DOP1B: variants seen among roughly 807,000 people sequenced by gnomAD.
The protein encoded by DOP1B is protein DOP1B.
Under a neutral mutation model 233.5 loss-of-function variants are expected in DOP1B, and 174 were observed. That is an observed-to-expected ratio of 0.75 (90% CI 0.66 to 0.85). DOP1B has a LOEUF of 0.85. Ranked by LOEUF, DOP1B falls within the 40% of genes least tolerant of loss-of-function variation. The pLI, the probability that DOP1B is intolerant of heterozygous loss-of-function variation, is 0.00. For missense variants in DOP1B, 2,652 were observed against 2,846.6 expected (o/e 0.93, Z 1.56); for synonymous variants, 1,190 against 1,185.6 (o/e 1.00, Z -0.08).
Position 36,246,039 on chromosome 21 carries a change from C to A in DOP1B, c.4059C>A (p.Ile1353=). ...AGGTCAAAAGTGTCGAGGTTTTGAT[C>A]AGGATAATGATGCAGCTGGTCTCAG... ...DVQVKSVEVL[I]RIMMQLVSVA... is the part of the protein sequence containing the mutation. The change falls in exon 19 of 37, where the codon ATC becomes ATA. Residue 1353 remains isoleucine, a synonymous_variant. Transcript: ENST00000691173. The surrounding 1 kb of genome is among the most constrained non-coding windows in gnomAD (Gnocchi z 5.1). The A allele has an allele frequency of 6.2e-7, 1 of 1,613,952 alleles. No individual in the cohort carries two copies. Among genetic ancestry groups the A allele is most frequent in the South Asian group, 1.1e-5 (1 of 91,066 alleles).
chr21:36,169,893 A>T, intron 2 of DOP1B: 1 of 789,868 alleles, frequency 1.3e-6, no homozygotes, highest in Non-Finnish European at 2.3e-6. Flanking sequence ...GGAGGCCTCA[A>T]GGGGTTTCCA....
At chr21:36,287,778 G>A (rs898087402) in intron 32 of DOP1B, among the ~76,000 whole-genome samples, 3 of 151,520 alleles carry the variant, frequency 2.0e-5, no homozygotes, top group African/African-American at 7.3e-5. Context: ...GTAGAGATGG[G>A]GTTTTACCAT....
At chr21:36,192,619 A>C (rs1053007918) in intron 2 of DOP1B, among the ~76,000 whole-genome samples, 6 of 151,800 alleles carry the variant, frequency 4.0e-5, no homozygotes, top group Admixed American at 6.6e-5. Flanking sequence ...CCTAGGCTCA[A>C]GTGATCTGTC....
At chr21:36,265,821 C>A (rs2067224622) in intron 26 of DOP1B, among the ~76,000 whole-genome samples, 1 of 152,202 alleles carries the variant, frequency 6.6e-6, no homozygotes, top group African/African-American at 2.4e-5. Context: ...ATTTTCCTAC[C>A]ACACTCTCGT....
In DOP1B at chr21:36,198,148, G is replaced by A. The variant is rs532049306; in HGVS notation, c.139-922G>A. ...AGACACTGTGTTATAAGATTAAGCCGGCCAGGCGCAGTGGATCACATCTGT... is the reference window on the plus strand; with the variant it reads ...AGACACTGTGTTATAAGATTAAGCCAGCCAGGCGCAGTGGATCACATCTGT... On this transcript the variant is annotated intron_variant, in intron 2 of 36. Coordinates refer to ENST00000691173, the MANE Select transcript of DOP1B (RefSeq NM_001320714.2). Among the ~76,000 whole-genome samples, 8 of 152,104 alleles carry A rather than the reference G, an allele frequency of 5.3e-5. No homozygotes were observed. The South Asian group carries it at 8.3e-4, about 16-fold the overall frequency.
chr21:36,291,450 A>G (rs2067558402), intron 35 of DOP1B, among the ~76,000 whole-genome samples: 1 of 151,812 alleles, frequency 6.6e-6, no homozygotes, highest in Non-Finnish European at 1.5e-5. Context: ...AATCCCAGCT[A>G]CTCGGGAGGC....
chr21:36,216,913 A>G (rs2066566189), intron 9 of DOP1B, among the ~76,000 whole-genome samples: 2 of 152,100 alleles, frequency 1.3e-5, no homozygotes, highest in South Asian at 4.1e-4. Context: ...CATCTCTACT[A>G]AAAATACAAA....
chr21:36,284,004 G>A (rs2146252502), intron 32 of DOP1B, among the ~76,000 whole-genome samples: 1 of 136,700 alleles, frequency 7.3e-6, no homozygotes, highest in African/African-American at 2.8e-5. Flanking sequence ...CTGGAGTACA[G>A]TGGCACAATC....
chr21:36,234,918 T>C (rs773553798), intron 15 of DOP1B, among the ~76,000 whole-genome samples: 1 of 152,228 alleles, frequency 6.6e-6, no homozygotes, highest in Non-Finnish European at 1.5e-5. Flanking sequence ...TTATACATTG[T>C]ATGATGATCA....
At position 36,245,324 on chromosome 21, in the gene DOP1B, C is replaced by G. The variant is rs768219773; in HGVS notation, c.3344C>G (p.Thr1115Arg). 6.2e-7 allele frequency: 1 copy of G among 1,614,020 alleles called. No homozygotes were observed. The highest frequency in any genetic ancestry group is 2.2e-5 in the East Asian group (1 of 44,888). Residue 1115 changes from threonine (T) to arginine (R), a missense_variant, in exon 19 of 37, where the codon ACA (threonine) becomes AGA (arginine). Thr to Arg is a moderately conservative substitution (Grantham distance 71). Around this residue, in one of 3 missense-constraint regions of DOP1B, gnomAD observed 2,617 missense variants for 2,794.3 expected, o/e 0.94. Coordinates refer to ENST00000691173, the MANE Select transcript of DOP1B (RefSeq NM_001320714.2). This position sits in a 1 kb window ranked among gnomAD's most constrained non-coding sequence, Gnocchi z 5.5. ...DSSEHTESAD[T>R]SSCHTDSENT... ...AGCGAGCACACCGAGTCTGCAGATACAAGCTCCTGCCACACGGACAGCGAG... is the reference window on the plus strand; with the variant it reads ...AGCGAGCACACCGAGTCTGCAGATAGAAGCTCCTGCCACACGGACAGCGAG...
intron 27 of DOP1B, among the ~76,000 whole-genome samples, chr21:36,272,732 C>T (rs892139969): frequency 2.0e-5 from 3 of 151,336 alleles, no homozygotes; most frequent in Non-Finnish European, 4.4e-5. Flanking sequence ...CGCCTGTAAT[C>T]CCAGCACTTT....
intron 28 of DOP1B, among the ~76,000 whole-genome samples, chr21:36,277,588 C>T (rs2067367120): frequency 6.6e-6 from 1 of 151,702 alleles, no homozygotes; most frequent in South Asian, 2.1e-4. Flanking sequence ...GCCATAACTG[C>T]TTTTCTTATT....
At position 36,214,471 on chromosome 21, in the gene DOP1B, C is replaced by G. The variant is rs749051674; in HGVS notation, c.1044C>G (p.Phe348Leu). 2 of 1,613,486 alleles carry G rather than the reference C, an allele frequency of 1.2e-6. No homozygotes were observed. Among genetic ancestry groups the G allele is most frequent in the South Asian group, 2.2e-5 (2 of 90,942 alleles). ...EGLAEILHQK[F>L]IDADVEERHH... Reference sequence around the variant, plus strand: ...TGGCTGAGATATTGCATCAGAAGTTCATAGATGCTGACGTGGAGGAACGCC... The same window carrying G: ...TGGCTGAGATATTGCATCAGAAGTTGATAGATGCTGACGTGGAGGAACGCC... Residue 348 changes from phenylalanine (F) to leucine (L), a missense_variant, in exon 9 of 37, where the codon TTC (phenylalanine) becomes TTG (leucine). By Grantham distance (22) the Phe-to-Leu change is conservative. Coordinates refer to ENST00000691173, the MANE Select transcript of DOP1B (RefSeq NM_001320714.2).
rs1174232281 is a variant in DOP1B at position 36,246,564 on chromosome 21, C to T, written c.4584C>T (p.Pro1528=). Reference sequence around the variant, plus strand: ...TGAGCTTGGTCACGCATTCCTTGCCCTACTTCGGAAAGTCCCTGGGCTGGA... The same window carrying T: ...TGAGCTTGGTCACGCATTCCTTGCCTTACTTCGGAAAGTCCCTGGGCTGGA... The part of the protein sequence containing the change: ...AWVSLVTHSL[P]YFGKSLGWTV... The change falls in exon 19 of 37, where the codon CCC becomes CCT. Residue 1528 remains proline, a synonymous_variant. Transcript: ENST00000691173. The surrounding 1 kb of genome is among the most constrained non-coding windows in gnomAD (Gnocchi z 5.1). 1 of 1,614,180 alleles carries T rather than the reference C, an allele frequency of 6.2e-7. No homozygotes were observed.
At chr21:36,248,623 C>A in intron 21 of DOP1B, 55 bp downstream of exon 21, 5 of 1,510,268 alleles carry the variant, frequency 3.3e-6, no homozygotes, top group Non-Finnish European at 4.4e-6. Flanking sequence ...TTGTTCCACC[C>A]AAAATAAATG....
intron 2 of DOP1B, among the ~76,000 whole-genome samples, chr21:36,192,626 T>G (rs2066245565): frequency 6.6e-6 from 1 of 152,030 alleles, no homozygotes; most frequent in Non-Finnish European, 1.5e-5. Flanking sequence ...TCAAGTGATC[T>G]GTCCTTCTTG....
intron 2 of DOP1B, among the ~76,000 whole-genome samples, chr21:36,184,246 A>G (rs1228773338): frequency 6.6e-6 from 1 of 151,768 alleles, no homozygotes; most frequent in Non-Finnish European, 1.5e-5. Flanking sequence ...ATGGGATTTC[A>G]CCATGTTGGT....
chr21:36,252,743 C>T (rs908776357), intron 22 of DOP1B, among the ~76,000 whole-genome samples: 1 of 152,094 alleles, frequency 6.6e-6, no homozygotes, highest in Non-Finnish European at 1.5e-5. Flanking sequence ...AACTCCTGAC[C>T]TCGTGATCCG....
chr21:36,196,529 T>C (rs1412796577), intron 2 of DOP1B, among the ~76,000 whole-genome samples: 1 of 152,210 alleles, frequency 6.6e-6, no homozygotes, highest in African/African-American at 2.4e-5. Context: ...TTCTTTTTTT[T>C]TTTTTCCTTT....
Sources: gnomAD v4.1 joint callset for allele counts (sites outside exome capture counted in the v4.1 genomes callset) on GRCh38, gnomAD v4.1.1 for gene constraint, gnomAD v4.1.1 regional missense constraint, Gnocchi (gnomAD v3.1) non-coding constraint, MANE v1.5 for transcripts, NCBI Gene and HGNC (gene_info 2026-07-23, HGNC 2026-07-21) for gene names.